Variants in FLNB observed in about 807,000 individuals in gnomAD.
FLNB encodes the protein filamin B, also known as filamin-B.
A neutral mutation model predicts 250.6 loss-of-function variants in FLNB; 111 were observed. That is an observed-to-expected ratio of 0.44 (90% CI 0.38 to 0.52). The LOEUF (loss-of-function observed/expected upper bound fraction) is 0.52, where lower values mean the gene tolerates loss of function less well. Ranked by LOEUF, FLNB falls within the 20% of genes least tolerant of loss-of-function variation. FLNB has a pLI of 0.00. For missense variants in FLNB, 2,869 were observed against 3,447.8 expected (o/e 0.83, Z 4.20); for synonymous variants, 1,302 against 1,372.1 (o/e 0.95, Z 1.13).
chr3:58,066,304 C>T (rs1203281369), intron 1 of FLNB, among the ~76,000 whole-genome samples: 1 of 151,026 alleles, frequency 6.6e-6, no homozygotes, highest in Non-Finnish European at 1.5e-5. Context: ...ACCACAACCT[C>T]TACCTCCTGG....
chr3:58,149,112 C>A (rs543299507), intron 36 of FLNB: 2 of 494,006 alleles, frequency 4.0e-6, no homozygotes, highest in South Asian at 4.2e-5. Flanking sequence ...AGCCACAACA[C>A]CTCGCAAACC....
rs1271973627 is a variant in FLNB, at chr3:58,073,180, CTTAT to C, written c.293-3860_293-3857del. ...ATTTATTTATTTATTTATTTATTTA[CTTAT>C]TTATTGTTTACCCTTTTGAAGATTG... is the stretch of plus-strand genomic sequence containing the variant. On this transcript the variant is annotated intron_variant, in intron 1 of 45. Transcript: ENST00000295956. Among the ~76,000 whole-genome samples the C allele has an allele frequency of 1.8e-4, 10 of 57,112 alleles. No homozygotes were observed. The East Asian group carries it at 3.0e-3, about 17-fold the overall frequency. The allele number at this position is 57,112 out of a possible 152,430, so 37.5% of individuals were successfully genotyped here. A position where few individuals can be genotyped will look rare whatever the true frequency, so the allele number is the denominator to read the frequency against.
intron 1 of FLNB, among the ~76,000 whole-genome samples, chr3:58,053,713 C>T (rs1240601159): frequency 7.9e-5 from 12 of 152,096 alleles, no homozygotes; most frequent in African/African-American, 2.7e-4. Context: ...CTGCCCGCCT[C>T]GGCCTCCCAA....
chr3:58,054,596 G>A (rs1343064639), intron 1 of FLNB, among the ~76,000 whole-genome samples: 2 of 152,120 alleles, frequency 1.3e-5, no homozygotes, highest in Admixed American at 6.5e-5. Context: ...AGAGAGAAGA[G>A]GGGGAAAAGC....
chr3:58,107,935 G>A (rs1191613077), intron 12 of FLNB, among the ~76,000 whole-genome samples: 1 of 152,184 alleles, frequency 6.6e-6, no homozygotes, highest in Non-Finnish European at 1.5e-5. Context: ...CATGACTAGA[G>A]GTCTCTGCCC....
intron 8 of FLNB, among the ~76,000 whole-genome samples, chr3:58,100,878 C>T (rs1450664089): frequency 6.6e-6 from 1 of 151,128 alleles, no homozygotes; most frequent in Non-Finnish European, 1.5e-5. Context: ...GGTTTACAGG[C>T]ATAAGCCACC....
chr3:58,125,765 G>A (rs764690732), intron 23 of FLNB, 22 bp downstream of exon 23: 33 of 1,612,666 alleles, frequency 2.0e-5, no homozygotes, highest in Admixed American at 3.3e-5. Flanking sequence ...CCTACATTTG[G>A]TGTCTTGAGT....
At chr3:58,133,440 A>G (rs1343990799) in intron 26 of FLNB, among the ~76,000 whole-genome samples, 2 of 55,346 alleles carry the variant, frequency 3.6e-5, no homozygotes, top group African/African-American at 2.9e-4. Context: ...ATCTCTGGAA[A>G]AAAAAAAAAA....
At position 58,108,484 on chromosome 3, in the gene FLNB, GA is replaced by G; in HGVS notation, c.1971del (p.Lys657AsnfsTer24). ...TTCGAGCATACGGGCCAGGTTTGGA[GA>G]AATCTGGATGCATTGTCAACAACCT... ...LVRAYGPGLE[K>X]SGCIVNNLAE... On this transcript the variant is annotated frameshift_variant, in exon 13 of 46. Coordinates refer to ENST00000295956, the MANE Select transcript of FLNB (RefSeq NM_001457.4). LOFTEE classifies it high-confidence loss of function. 6.2e-7 allele frequency: 1 copy of G among 1,613,888 alleles called. No homozygotes were observed. Among genetic ancestry groups the G allele is most frequent in the Non-Finnish European group, 8.5e-7 (1 of 1,179,736 alleles).
intron 1 of FLNB, among the ~76,000 whole-genome samples, chr3:58,048,063 G>A (rs1314422572): frequency 6.6e-6 from 1 of 152,068 alleles, no homozygotes; most frequent in Non-Finnish European, 1.5e-5. Flanking sequence ...AACATCTTGT[G>A]TAAAACTTCC....
chr3:58,125,455 C>T (rs1453686059), intron 22 of FLNB, 126 bp from the exon 23 acceptor site: 2 of 1,168,490 alleles, frequency 1.7e-6, no homozygotes, highest in Non-Finnish European at 2.5e-6. Context: ...TTTTAACCCC[C>T]TTTTCCAAAT....
At chr3:58,032,800 G>T (rs1169266987) in intron 1 of FLNB, among the ~76,000 whole-genome samples, 3 of 152,156 alleles carry the variant, frequency 2.0e-5, no homozygotes, top group African/African-American at 4.8e-5. Flanking sequence ...GGGTGTGGTA[G>T]CTCATGCCTG....
At chr3:58,128,684 A>T (rs1371039214) in intron 24 of FLNB, among the ~76,000 whole-genome samples, 1 of 152,198 alleles carries the variant, frequency 6.6e-6, no homozygotes, top group Non-Finnish European at 1.5e-5. Flanking sequence ...GTGGAGATGA[A>T]CATCTCCTGT....
chr3:58,020,559 C>T (rs1056248737), intron 1 of FLNB, among the ~76,000 whole-genome samples: 15 of 152,194 alleles, frequency 9.9e-5, no homozygotes, highest in Admixed American at 7.9e-4. Flanking sequence ...TAACACAGCA[C>T]TCCTGTTCTC....
chr3:58,154,544 CAAAAA>C (rs71625606), intron 39 of FLNB: 122 of 302,476 alleles, frequency 4.0e-4, no homozygotes, highest in Middle Eastern at 2.0e-3. Flanking sequence ...GACTCCGTCT[CAAAAA>C]AAAAAAAAAA....
intron 11 of FLNB, 64 bp from the exon 12 acceptor site, chr3:58,106,616 C>A: frequency 6.7e-7 from 1 of 1,483,564 alleles, no homozygotes; most frequent in South Asian, 1.1e-5. Context: ...AATGAGCTGT[C>A]GTAACATAGA....
At position 58,097,985 on chromosome 3, in the gene FLNB, G is replaced by T; in HGVS notation, c.1147+8G>T. ...TTGACATCTATACGGCAGGTAACGT[G>T]CCTCTCCTCCATGGATCTGACCTTT... On this transcript the variant is annotated splice_region_variant and intron_variant, in intron 7 of 45. Transcript: ENST00000295956. 1 of 1,613,748 alleles carries T rather than the reference G, an allele frequency of 6.2e-7. No individual in the cohort carries two copies. The highest frequency in any genetic ancestry group is 8.5e-7 in the Non-Finnish European group (1 of 1,179,794).
intron 35 of FLNB, 70 bp from the exon 36 acceptor site, chr3:58,148,579 T>G (rs1376538858): frequency 5.1e-6 from 7 of 1,378,452 alleles, no homozygotes. Flanking sequence ...TTTCTATTTC[T>G]GAGAGTGTGT....
At chr3:58,089,511 C>A (rs1347610368) in intron 4 of FLNB, among the ~76,000 whole-genome samples, 1 of 149,554 alleles carries the variant, frequency 6.7e-6, no homozygotes, top group Non-Finnish European at 1.5e-5. Flanking sequence ...ATGCCGTTGC[C>A]CTCCAGCCTG....
Sources: gnomAD v4.1 joint callset for allele counts (sites outside exome capture counted in the v4.1 genomes callset) on GRCh38, gnomAD v4.1.1 for gene constraint, MANE v1.5 for transcripts, NCBI Gene and HGNC (gene_info 2026-07-23, HGNC 2026-07-21) for gene names.